The following TM9SF2 variants were observed in gnomAD, a reference collection of about 807,000 sequenced individuals.
The protein encoded by TM9SF2 is transmembrane 9 superfamily member 2, also known as 76 kDa membrane protein.
In TM9SF2, 13 loss-of-function variants were observed where a neutral mutation model predicts 84.9. The observed-to-expected ratio is 0.15, with a 90% CI of 0.10 to 0.24. TM9SF2 has a LOEUF of 0.24. TM9SF2 is among the 10% of genes least tolerant of loss of function. The probability of loss-of-function intolerance (pLI) is 1.00; values close to 1 mark genes in which losing one functional copy is unlikely to be tolerated. For missense variants in TM9SF2, 562 were observed against 818.5 expected (o/e 0.69, Z 3.82); for synonymous variants, 273 against 285.8 (o/e 0.96, Z 0.45).
chr13:99,556,229 CA>C (rs2046324047), intron 15 of TM9SF2, among the ~76,000 whole-genome samples: 1 of 152,150 alleles, frequency 6.6e-6, no homozygotes, highest in East Asian at 1.9e-4. Flanking sequence ...GTGTGTTATT[CA>C]AAAAATGGAG....
chr13:99,560,085 GAA>G (rs575355942), intron 16 of TM9SF2, among the ~76,000 whole-genome samples: 5 of 152,120 alleles, frequency 3.3e-5, no homozygotes, highest in Non-Finnish European at 5.9e-5. Context: ...CCAACTAGAT[GAA>G]AGTTTTCGGT....
chr13:99,555,350 T>C (rs2046321136), intron 14 of TM9SF2, among the ~76,000 whole-genome samples, 186 bp from the exon 15 acceptor site: 1 of 152,214 alleles, frequency 6.6e-6, no homozygotes, highest in Non-Finnish European at 1.5e-5. Flanking sequence ...CCAGTGATAC[T>C]GACATATCCT....
At position 99,540,766 on chromosome 13, in the gene TM9SF2, T is replaced by A. The variant is rs1480287917; in HGVS notation, c.881T>A (p.Met294Lys). ...ASRWDYILES[M>K]PHTHIQWFSI... is the part of the protein sequence containing the mutation. ...AGATGGGACTATATTCTGGAGTCTATGCCTCATACCCACATTCAGTGGTTT... is the reference window on the plus strand; with the variant it reads ...AGATGGGACTATATTCTGGAGTCTAAGCCTCATACCCACATTCAGTGGTTT... Residue 294 changes from methionine to lysine, a missense_variant, in exon 8 of 17, where the codon ATG becomes AAG. Physicochemically the swap from Met to Lys is moderately conservative, Grantham distance 95. Around this residue, in one of 4 missense-constraint regions of TM9SF2, gnomAD observed 219 missense variants for 338.1 expected, o/e 0.65. Transcript: ENST00000376387. 6.2e-7 allele frequency: 1 copy of A among 1,613,876 alleles called. No homozygotes were observed. Among genetic ancestry groups the A allele is most frequent in the East Asian group, 2.2e-5 (1 of 44,872 alleles).
rs1339516634 is a variant in TM9SF2 at position 99,559,501 on chromosome 13, A to G, written c.1891A>G (p.Met631Val). 6.2e-7 allele frequency: 1 copy of G among 1,604,934 alleles called. No homozygotes were observed. The highest frequency in any genetic ancestry group is 8.5e-7 in the Non-Finnish European group (1 of 1,177,722). ...ASTILYFGYT[M>V]IMVLIFFLFT... ...CACAATTCTGTACTTTGGTTATACC[A>G]TGATAATGGTTTTGATCTTCTTTCT... Residue 631 changes from methionine (M) to valine (V), a missense_variant, in exon 16 of 17, where the codon ATG becomes GTG. Around this residue, in one of 4 missense-constraint regions of TM9SF2, gnomAD observed 63 missense variants for 109.2 expected, o/e 0.58. Transcript: ENST00000376387.
Position 99,541,548 on chromosome 13 carries a change from T to A in TM9SF2, c.909-11T>A, listed in dbSNP as rs2046259739. 1 of 1,593,012 alleles carries A rather than the reference T, an allele frequency of 6.3e-7. No homozygotes were observed. Among genetic ancestry groups the A allele is most frequent in the Non-Finnish European group, 8.6e-7 (1 of 1,163,568 alleles). ...AGCTACAGATTACTCATGATGTGCT[T>A]ATTTCTACAGCATTATGAATTCCCT... On this transcript the variant is annotated splice_polypyrimidine_tract_variant and intron_variant, in intron 8 of 16. Transcript: ENST00000376387.
chr13:99,550,280 GA>G (rs1351746693), intron 12 of TM9SF2, among the ~76,000 whole-genome samples: 1 of 151,666 alleles, frequency 6.6e-6, no homozygotes, highest in Non-Finnish European at 1.5e-5. Flanking sequence ...AAAATGCCTT[GA>G]AAAAAATAGT....
intron 5 of TM9SF2, among the ~76,000 whole-genome samples, chr13:99,537,406 T>C (rs1322137169): frequency 6.6e-6 from 1 of 152,190 alleles, no homozygotes; most frequent in Non-Finnish European, 1.5e-5. Flanking sequence ...GCAGGAAAAG[T>C]GTTTAAATGT....
At chr13:99,516,984 G>A (rs985704121) in intron 1 of TM9SF2, among the ~76,000 whole-genome samples, 1 of 152,044 alleles carries the variant, frequency 6.6e-6, no homozygotes, top group Non-Finnish European at 1.5e-5. Context: ...TTTAAAAACA[G>A]CATCTATATT....
intron 11 of TM9SF2, among the ~76,000 whole-genome samples, chr13:99,547,758 C>T (rs1342468008): frequency 6.6e-6 from 1 of 152,172 alleles, no homozygotes; most frequent in African/African-American, 2.4e-5. Flanking sequence ...CAGCAGGGAC[C>T]AGAGCTGGCC....
At chr13:99,548,988 T>G (rs1258115613) in intron 11 of TM9SF2, among the ~76,000 whole-genome samples, 177 bp from the exon 12 acceptor site, 1 of 152,224 alleles carries the variant, frequency 6.6e-6, no homozygotes, top group Non-Finnish European at 1.5e-5. Context: ...CCATCCTGTA[T>G]GTCTCAGATT....
intron 15 of TM9SF2, among the ~76,000 whole-genome samples, chr13:99,558,536 C>G (rs2046332964): frequency 6.6e-6 from 1 of 152,186 alleles, no homozygotes; most frequent in Admixed American, 6.5e-5. Flanking sequence ...TTGTGCAAGT[C>G]TTCCACTTCC....
chr13:99,529,559 G>T lies in TM9SF2; in HGVS notation c.426G>T (p.Leu142Phe). 6.3e-7 allele frequency: 1 copy of T among 1,583,856 alleles called. No individual in the cohort carries two copies. Among genetic ancestry groups the T allele is most frequent in the Non-Finnish European group, 8.6e-7 (1 of 1,169,346 alleles). ...AAGACAAACAAAAGTTAGAATTCTTGAAAAAAAGCATGTTATTGAATTATC... is the reference window on the plus strand; with the variant it reads ...AAGACAAACAAAAGTTAGAATTCTTTAAAAAAAGCATGTTATTGAATTATC... ...KAEDKQKLEF[L>F]KKSMLLNYQH... Residue 142 changes from leucine (L) to phenylalanine (F), a missense_variant, in exon 4 of 17, where the codon TTG becomes TTT. By Grantham distance (22) the Leu-to-Phe change is conservative (BLOSUM62 0). Around this residue, in one of 4 missense-constraint regions of TM9SF2, gnomAD observed 267 missense variants for 316.7 expected, o/e 0.84. Coordinates refer to ENST00000376387, the MANE Select transcript of TM9SF2 (RefSeq NM_004800.3).
intron 3 of TM9SF2, among the ~76,000 whole-genome samples, chr13:99,521,860 C>T (rs2139081014): frequency 6.6e-6 from 1 of 152,206 alleles, no homozygotes; most frequent in African/African-American, 2.4e-5. Flanking sequence ...ATGCATACCA[C>T]CACATCCAGC....
intron 4 of TM9SF2, among the ~76,000 whole-genome samples, 156 bp downstream of exon 4, chr13:99,529,750 T>TA (rs1323509166): frequency 1.3e-5 from 2 of 152,242 alleles, no homozygotes; most frequent in African/African-American, 4.8e-5. Context: ...TAGTGACTCT[T>TA]AGTTAAAGAT....
intron 12 of TM9SF2, among the ~76,000 whole-genome samples, chr13:99,549,611 TAG>T (rs948635334): frequency 1.8e-4 from 27 of 152,218 alleles, no homozygotes; most frequent in African/African-American, 5.8e-4. Context: ...TGCCATTTTT[TAG>T]AGTTTATTCC....
Position 99,529,529 on chromosome 13 carries a change from A to C in TM9SF2, c.396A>C (p.Lys132Asn). The C allele has an allele frequency of 6.3e-7, 1 of 1,596,008 alleles. No individual in the cohort carries two copies. Among genetic ancestry groups the C allele is most frequent in the African/African-American group, 1.4e-5 (1 of 73,902 alleles). ...LVCTKTYHTE[K>N]AEDKQKLEFL... is the part of the protein sequence containing the mutation. ...GTACAAAAACATACCATACAGAGAA[A>C]GCTGAAGACAAACAAAAGTTAGAAT... The change falls in exon 4 of 17, where the codon AAA becomes AAC. Residue 132 changes from lysine to asparagine, a missense_variant. By Grantham distance (94) the Lys-to-Asn change is moderately conservative. This residue lies in a region of TM9SF2 where 267 missense variants were observed against 316.7 expected (regional missense o/e 0.84). Transcript: ENST00000376387.
chr13:99,546,908 G>T lies in TM9SF2; in HGVS notation c.1151-77G>T, dbSNP rs1035537696. ...TGTATTTTTTTCTTGTTTGAAAAAT[G>T]AGAGGGTTTCTCTATCATTTCACAG... On this transcript the variant is annotated intron_variant, in intron 10 of 16. Transcript: ENST00000376387. The T allele has an allele frequency of 7.6e-6, 12 of 1,586,672 alleles. No individual in the cohort carries two copies. In the African/African-American group the frequency reaches 1.6e-4, roughly 21 times the overall value.
At chr13:99,519,947 C>A in intron 2 of TM9SF2, 89 bp from the exon 3 acceptor site, 1 of 1,085,406 alleles carries the variant, frequency 9.2e-7, no homozygotes, top group Non-Finnish European at 1.4e-6. Flanking sequence ...CTACAATGAT[C>A]AGTACCTAAT....
intron 4 of TM9SF2, among the ~76,000 whole-genome samples, chr13:99,533,549 T>C (rs1272278774): frequency 6.6e-6 from 1 of 152,250 alleles, no homozygotes; most frequent in African/African-American, 2.4e-5. Context: ...CATGAATCAA[T>C]CATAATTTCT....
Sources: gnomAD v4.1 joint callset for allele counts (sites outside exome capture counted in the v4.1 genomes callset) on GRCh38, gnomAD v4.1.1 for gene constraint, gnomAD v4.1.1 regional missense constraint, MANE v1.5 for transcripts, NCBI Gene and HGNC (gene_info 2026-07-23, HGNC 2026-07-21) for gene names.